The following TSPAN33 variants were observed in gnomAD, a reference collection of about 807,000 sequenced individuals.
The protein encoded by TSPAN33 is tetraspanin-33.
TSPAN33 carries 27 observed loss-of-function variants against 34.8 expected under a neutral mutation model. The observed-to-expected ratio is 0.78, with a 90% CI of 0.57 to 1.07. TSPAN33 has a LOEUF of 1.07. Among genes scored for constraint, TSPAN33 ranks in the 50% least tolerant of loss-of-function variants. The pLI, the probability that TSPAN33 is intolerant of heterozygous loss-of-function variation, is 0.00. For missense variants in TSPAN33, 272 were observed against 324.9 expected (o/e 0.84, Z 1.25); for synonymous variants, 119 against 124.2 (o/e 0.96, Z 0.28).
chr7:129,147,421 T>A (rs748983262), intron 1 of TSPAN33, among the ~76,000 whole-genome samples: 1 of 152,192 alleles, frequency 6.6e-6, no homozygotes, highest in Non-Finnish European at 1.5e-5. Flanking sequence ...TAGGGGACAG[T>A]ACTTTTCAGG....
At chr7:129,146,130 A>C (rs1366666709) in intron 1 of TSPAN33, among the ~76,000 whole-genome samples, 2 of 152,124 alleles carry the variant, frequency 1.3e-5, no homozygotes, top group African/African-American at 4.8e-5. Flanking sequence ...CCTAAAGTTC[A>C]GACTTGCAGG....
rs766383285 is a variant in TSPAN33, at chr7:129,164,502, A to C, written c.392A>C (p.Asn131Thr). ...KARGKVSEIINNAIVHYRDDL... is the reference protein window; with the variant it reads ...KARGKVSEIITNAIVHYRDDL... ...CGAGGGAAAGTGAGTGAGATCATCA[A>C]CAATGCCATTGTGCACTACCGAGAT... The change falls in exon 5 of 8, where the codon AAC (asparagine) becomes ACC (threonine). Residue 131 changes from asparagine to threonine, a missense_variant. By Grantham distance (65) the Asn-to-Thr change is moderately conservative. Coordinates refer to ENST00000486685, the MANE Select transcript of TSPAN33 (RefSeq NM_178562.5). The C allele has an allele frequency of 6.2e-7, 1 of 1,614,004 alleles. No individual in the cohort carries two copies. The highest frequency in any genetic ancestry group is 8.5e-7 in the Non-Finnish European group (1 of 1,180,018).
intron 1 of TSPAN33, among the ~76,000 whole-genome samples, chr7:129,157,371 T>G: frequency 6.6e-6 from 1 of 151,158 alleles, no homozygotes; most frequent in Non-Finnish European, 1.5e-5. Context: ...GGGTGGGAAG[T>G]GGGGGCAGGA....
rs189913223 is a variant in TSPAN33 at position 129,159,042 on chromosome 7, C to T, written c.103-2637C>T. Among the ~76,000 whole-genome samples the T allele has an allele frequency of 1.3e-3, 198 of 151,124 alleles. 1 individual carries two copies. The highest frequency in any genetic ancestry group is 4.6e-3 in the African/African-American group (190 of 41,154). ...GGGATTACAGGCATGAGCCACTGCA[C>T]CCGGCCCCACATTTTCTTTTTCTTT... On this transcript the variant is annotated intron_variant, in intron 1 of 7. Coordinates refer to ENST00000486685, the MANE Select transcript of TSPAN33 (RefSeq NM_178562.5).
At chr7:129,155,943 C>T (rs1298890225) in intron 1 of TSPAN33, among the ~76,000 whole-genome samples, 1 of 152,024 alleles carries the variant, frequency 6.6e-6, no homozygotes, top group African/African-American at 2.4e-5. Context: ...GTTGCCTAGG[C>T]TGGTCTCAAA....
intron 2 of TSPAN33, 88 bp from the exon 3 acceptor site, chr7:129,162,306 A>C: frequency 1.9e-6 from 3 of 1,565,610 alleles, no homozygotes; most frequent in Admixed American, 1.7e-5. Context: ...CACCAGGGGA[A>C]GGAGAACAGT....
At position 129,144,905 on chromosome 7, in the gene TSPAN33, C is replaced by T. The variant is rs983889269; in HGVS notation, c.-76C>T. The T allele has an allele frequency of 3.4e-6, 1 of 296,992 alleles. No homozygotes were observed. The highest frequency in any genetic ancestry group is 6.1e-6 in the Non-Finnish European group (1 of 165,206). 18.4% of individuals were successfully genotyped at this position (296,992 alleles called of 1,614,324 possible). ...TGCGCGGCGCGGCTCGGCTCATGCC[C>T]CCGGGCGCGGGGCACACAGGCCGGC... On this transcript the variant is annotated 5_prime_UTR_variant, in exon 1 of 8. Transcript: ENST00000486685.
chr7:129,150,167 C>T (rs1810574121), intron 1 of TSPAN33, among the ~76,000 whole-genome samples: 1 of 152,112 alleles, frequency 6.6e-6, no homozygotes, highest in Non-Finnish European at 1.5e-5. Context: ...GACAGTGGGG[C>T]TCCACTGCTT....
At chr7:129,145,168 C>T (rs13243618) in intron 1 of TSPAN33, 86 bp downstream of exon 1, 384,181 of 518,358 alleles carry the variant, frequency 0.74, 143,331 homozygotes, top group East Asian at 0.8. Context: ...GCGCGGGAGC[C>T]GCACTGCCGA....
intron 1 of TSPAN33, among the ~76,000 whole-genome samples, chr7:129,156,936 A>T (rs1322813390): frequency 6.6e-6 from 1 of 152,232 alleles, no homozygotes; most frequent in Non-Finnish European, 1.5e-5. Context: ...TTTCAGGAAC[A>T]TACATTTTGC....
rs191960387 is a variant in TSPAN33, at chr7:129,165,606, A to G, written c.459+1037A>G. Among the ~76,000 whole-genome samples the G allele has an allele frequency of 2.6e-4, 39 of 152,330 alleles. No homozygotes were observed. In the East Asian group the frequency reaches 7.3e-3, roughly 29 times the overall value. ...TTCGGCTACTGTGAACAAGGCTGCT[A>G]TGAATCAAAAGTTAACAATTAGGCC... On this transcript the variant is annotated intron_variant, in intron 5 of 7. Transcript: ENST00000486685. The surrounding 1 kb of genome is among the most constrained non-coding windows in gnomAD (Gnocchi z 4.5).
At chr7:129,158,469 A>G (rs1792994714) in intron 1 of TSPAN33, among the ~76,000 whole-genome samples, 1 of 152,128 alleles carries the variant, frequency 6.6e-6, no homozygotes. Flanking sequence ...TATATAGGTA[A>G]ATTATGTGTC....
intron 4 of TSPAN33, among the ~76,000 whole-genome samples, 153 bp from the exon 5 acceptor site, chr7:129,164,321 A>G (rs182928878): frequency 1.3e-5 from 2 of 152,284 alleles, no homozygotes; most frequent in Admixed American, 1.3e-4. Context: ...GGGCTTTGGA[A>G]CTGAACCGGC....
chr7:129,150,845 C>A (rs1162730784), intron 1 of TSPAN33, among the ~76,000 whole-genome samples: 1 of 152,086 alleles, frequency 6.6e-6, no homozygotes, highest in Non-Finnish European at 1.5e-5. Context: ...CAGACAGGGA[C>A]TGGCTAGGGA....
Position 129,166,833 on chromosome 7 carries a change from A to G in TSPAN33, c.515A>G (p.Asn172Ser), listed in dbSNP as rs534272947. 40 of 1,614,000 alleles carry G rather than the reference A, an allele frequency of 2.5e-5. No individual in the cohort carries two copies. The Admixed American group carries it at 5.7e-4, about 23-fold the overall frequency. The change falls in exon 6 of 8, where the codon AAC (asparagine) becomes AGC (serine). Residue 172 changes from asparagine (N) to serine (S), a missense_variant. Coordinates refer to ENST00000486685, the MANE Select transcript of TSPAN33 (RefSeq NM_178562.5). ...YKDWSQNMYF[N>S]CSEDNPSRER... ...GACTGGTCTCAGAACATGTATTTCA[A>G]CTGCTCAGAAGACAACCCCAGTCGA...
rs943604946 is a variant in TSPAN33 at position 129,148,524 on chromosome 7, A to G, written c.102+3442A>G. 1.3e-5 allele frequency among the ~76,000 whole-genome samples: 2 copies of G among 152,118 alleles called. No individual in the cohort carries two copies. The highest frequency in any genetic ancestry group is 4.8e-5 in the African/African-American group (2 of 41,416). On this transcript the variant is annotated intron_variant, in intron 1 of 7. Coordinates refer to ENST00000486685, the MANE Select transcript of TSPAN33 (RefSeq NM_178562.5). The surrounding 1 kb of genome is among the most constrained non-coding windows in gnomAD (Gnocchi z 4.2). The stretch of plus-strand genomic sequence containing the variant: ...GCAAACCCCACAGGGTAGAGGCTTG[A>G]TGCCCATCCTCCCTTCCTCATGGAC...
intron 1 of TSPAN33, among the ~76,000 whole-genome samples, chr7:129,153,025 C>G (rs1013884330): frequency 3.1e-5 from 4 of 130,118 alleles, no homozygotes; most frequent in African/African-American, 1.2e-4. Context: ...CGCCACTGCA[C>G]TCCAGCCTGG....
Position 129,144,956 on chromosome 7 carries a change from C to T in TSPAN33, c.-25C>T, listed in dbSNP as rs559053797. The T allele has an allele frequency of 1.4e-5, 8 of 585,924 alleles. No individual in the cohort carries two copies. Among genetic ancestry groups the T allele is most frequent in the African/African-American group, 1.0e-4 (5 of 50,002 alleles). 36.3% of individuals were successfully genotyped at this position (585,924 alleles called of 1,614,324 possible). ...CGGCAGCCGCTGGGAAATAGGCCCC[C>T]GGGGGCGGTGGCGGCGGCGGGGCCA... On this transcript the variant is annotated 5_prime_UTR_variant, in exon 1 of 8. Transcript: ENST00000486685.
intron 1 of TSPAN33, among the ~76,000 whole-genome samples, chr7:129,150,255 C>T (rs1240797232): frequency 6.6e-6 from 1 of 152,172 alleles, no homozygotes; most frequent in Non-Finnish European, 1.5e-5. Flanking sequence ...CTGGTGGCCC[C>T]ACTGTGGCAA....
Sources: gnomAD v4.1 joint callset for allele counts (sites outside exome capture counted in the v4.1 genomes callset) on GRCh38, gnomAD v4.1.1 for gene constraint, Gnocchi (gnomAD v3.1) non-coding constraint, MANE v1.5 for transcripts, NCBI Gene and HGNC (gene_info 2026-07-23, HGNC 2026-07-21) for gene names.